Variants in NPAS1 observed in about 807,000 individuals in gnomAD.
The protein encoded by NPAS1 is neuronal PAS domain protein 1.
Under a neutral mutation model 49.2 loss-of-function variants are expected in NPAS1, and 29 were observed. The ratio of observed to expected loss-of-function variants is 0.59; its 90% CI spans 0.44 to 0.80. NPAS1 has a LOEUF of 0.80. Ranked by LOEUF, NPAS1 falls within the 30% of genes least tolerant of loss-of-function variation. The pLI is 0.00. For missense variants in NPAS1, 825 were observed against 835.5 expected, an observed-to-expected ratio of 0.99 and a Z score of 0.15; for synonymous variants, 408 against 380.4, an observed-to-expected ratio of 1.07 and a Z score of -0.84.
intron 7 of NPAS1, 74 bp downstream of exon 7, chr19:47,039,225 G>A (rs2056992411): frequency 6.7e-7 from 1 of 1,493,830 alleles, no homozygotes; most frequent in South Asian, 1.3e-5. Context: ...AGGGAACCAG[G>A]CTGGTGGCTT....
At chr19:47,045,029 C>CAA (rs774928609) in intron 11 of NPAS1, among the ~76,000 whole-genome samples, 162 bp from the exon 12 acceptor site, 1 of 146,920 alleles carries the variant, frequency 6.8e-6, no homozygotes, top group East Asian at 2.0e-4. Context: ...GACTCCGTCT[C>CAA]ACAAAAAAAC....
chr19:47,029,780 G>C (rs1247015324), intron 3 of NPAS1, among the ~76,000 whole-genome samples: 1 of 152,188 alleles, frequency 6.6e-6, no homozygotes, highest in Non-Finnish European at 1.5e-5. Flanking sequence ...ATGCTGCTAT[G>C]AACACGCATG....
Position 47,039,418 on chromosome 19 carries a change from G to A in NPAS1, c.816G>A (p.Val272=). 1 of 1,611,792 alleles carries A rather than the reference G, an allele frequency of 6.2e-7. No individual in the cohort carries two copies. The highest frequency in any genetic ancestry group is 8.5e-7 in the Non-Finnish European group (1 of 1,179,882). The change falls in exon 8 of 12, where the codon GTG becomes GTA. Residue 272 remains valine, a synonymous_variant. Coordinates refer to ENST00000602212, the MANE Select transcript of NPAS1 (RefSeq NM_002517.4). ...CCCACCACCAGCAGGTCATCCACGT[G>A]ACTGGGCGCCTTCGGGCCCACGCCC... ...VKASGYKVIH[V]TGRLRAHALG...
chr19:47,031,821 G>A (rs747721790), intron 3 of NPAS1, among the ~76,000 whole-genome samples: 5 of 151,936 alleles, frequency 3.3e-5, no homozygotes, highest in Non-Finnish European at 1.5e-5. Flanking sequence ...GAGCCACCTC[G>A]CCCAGCCTGT....
In NPAS1 at chr19:47,021,278, C is replaced by A; in HGVS notation, c.122+109C>A. 1.0e-6 allele frequency: 1 copy of A among 990,114 alleles called. No individual in the cohort carries two copies. The highest frequency in any genetic ancestry group is 1.4e-6 in the Non-Finnish European group (1 of 695,128). 61.3% of individuals were successfully genotyped at this position (990,114 alleles called of 1,614,324 possible). A position where few individuals can be genotyped will look rare whatever the true frequency, so the allele number is the denominator to read the frequency against. On this transcript the variant is annotated intron_variant, in intron 2 of 11. Coordinates refer to ENST00000602212, the MANE Select transcript of NPAS1 (RefSeq NM_002517.4). The surrounding 1 kb of genome is among the most constrained non-coding windows in gnomAD (Gnocchi z 5.7). ...AGTTCACACCCAGCTCCCTGACCCG[C>A]CCCTTAGGGCTAGAAGGTCTTACCT...
At position 47,025,082 on chromosome 19, in the gene NPAS1, C is replaced by T. The variant is rs1401956582; in HGVS notation, c.358+3235C>T. Among the ~76,000 whole-genome samples, 3 of 130,760 alleles carry T rather than the reference C, an allele frequency of 2.3e-5. 1 individual carries two copies. Among genetic ancestry groups the T allele is most frequent in the Non-Finnish European group, 5.2e-5 (3 of 57,788 alleles). 85.8% of individuals were successfully genotyped at this position (130,760 alleles called of 152,430 possible). ...AAGTGCTGGGATTGCAGGCGTGAGG[C>T]GCCGTGCCCGGCTTTTACAGCCTTC... On this transcript the variant is annotated intron_variant, in intron 3 of 11. Transcript: ENST00000602212.
intron 3 of NPAS1, among the ~76,000 whole-genome samples, chr19:47,023,476 C>T (rs1250887249): frequency 2.6e-5 from 4 of 152,094 alleles, no homozygotes; most frequent in Non-Finnish European, 5.9e-5. Flanking sequence ...GCGTGGACTC[C>T]TATAGTCCCA....
intron 8 of NPAS1, among the ~76,000 whole-genome samples, chr19:47,040,116 G>A (rs555299780): frequency 5.3e-5 from 8 of 152,152 alleles, no homozygotes; most frequent in Non-Finnish European, 8.8e-5. Context: ...TCCACCTCCC[G>A]GGTTCAAGTG....
At chr19:47,030,900 A>G (rs888800567) in intron 3 of NPAS1, among the ~76,000 whole-genome samples, 3 of 151,992 alleles carry the variant, frequency 2.0e-5, no homozygotes, top group Non-Finnish European at 4.4e-5. Flanking sequence ...TTGGCCTCCC[A>G]GAGTGTTGGG....
chr19:47,021,274 C>A lies in NPAS1; in HGVS notation c.122+105C>A. The A allele has an allele frequency of 1.9e-6, 2 of 1,059,672 alleles. No individual in the cohort carries two copies. Among genetic ancestry groups the A allele is most frequent in the African/African-American group, 1.7e-5 (1 of 59,890 alleles). 65.6% of individuals were successfully genotyped at this position (1,059,672 alleles called of 1,614,324 possible). The stretch of plus-strand genomic sequence containing the variant: ...GGGCAGTTCACACCCAGCTCCCTGA[C>A]CCGCCCCTTAGGGCTAGAAGGTCTT... On this transcript the variant is annotated intron_variant, in intron 2 of 11. Transcript: ENST00000602212. The surrounding 1 kb of genome is among the most constrained non-coding windows in gnomAD (Gnocchi z 5.7).
At chr19:47,037,026 A>G (rs2122515042) in intron 6 of NPAS1, among the ~76,000 whole-genome samples, 1 of 147,150 alleles carries the variant, frequency 6.8e-6, no homozygotes, top group South Asian at 2.2e-4. Context: ...GCTGCACTCC[A>G]GCCCGGGTGA....
rs1402223256 is a variant in NPAS1, at chr19:47,021,212, G to A, written c.122+43G>A. The A allele has an allele frequency of 2.7e-6, 4 of 1,471,858 alleles. No individual in the cohort carries two copies. Among genetic ancestry groups the A allele is most frequent in the Non-Finnish European group, 3.6e-6 (4 of 1,104,406 alleles). 91.2% of individuals were successfully genotyped at this position (1,471,858 alleles called of 1,614,324 possible). A position where few individuals can be genotyped will look rare whatever the true frequency, so the allele number is the denominator to read the frequency against. ...CCCCTGGCCGCGGGCCCCCCCCCGG[G>A]TCCAATTCACACCCGATGTTCTGTC... On this transcript the variant is annotated intron_variant, in intron 2 of 11. Transcript: ENST00000602212. This position sits in a 1 kb window ranked among gnomAD's most constrained non-coding sequence, Gnocchi z 5.7.
chr19:47,028,261 G>C (rs2056886300), intron 3 of NPAS1, among the ~76,000 whole-genome samples: 1 of 152,130 alleles, frequency 6.6e-6, no homozygotes, highest in Admixed American at 6.5e-5. Context: ...CTGGTTCCGA[G>C]CTGTATCTTG....
At chr19:47,037,305 C>T (rs1301813687) in intron 6 of NPAS1, among the ~76,000 whole-genome samples, 1 of 121,084 alleles carries the variant, frequency 8.3e-6, no homozygotes, top group African/African-American at 3.3e-5. Context: ...GAGCCGAGAT[C>T]AGGCCATTGC....
rs149826895 is a variant in NPAS1 at position 47,042,890 on chromosome 19, G to A, written c.1298G>A (p.Gly433Glu). The change falls in exon 11 of 12, where the codon GGG becomes GAG. Residue 433 changes from glycine (G) to glutamate (E), a missense_variant. Transcript: ENST00000602212. ...SVACEEASSP[G>E]PEPTEPEPPT... ...GCCTGTGAGGAGGCATCCAGCCCGGGGCCAGAGCCCACAGGTGAGCCCCAC... is the reference window on the plus strand; with the variant it reads ...GCCTGTGAGGAGGCATCCAGCCCGGAGCCAGAGCCCACAGGTGAGCCCCAC... The A allele has an allele frequency of 1.4e-4, 224 of 1,601,032 alleles. No individual in the cohort carries two copies. The highest frequency in any genetic ancestry group is 1.9e-4 in the Non-Finnish European group (218 of 1,174,216).
In NPAS1 at chr19:47,038,890, C is replaced by T. The variant is rs1303349923; in HGVS notation, c.689-146C>T. The T allele has an allele frequency of 6.0e-6, 4 of 662,494 alleles. No homozygotes were observed. In the African/African-American group the frequency reaches 7.2e-5, roughly 12 times the overall value. The allele number at this position is 662,494 out of a possible 1,614,324, so 41.0% of individuals were successfully genotyped here. A position where few individuals can be genotyped will look rare whatever the true frequency, so the allele number is the denominator to read the frequency against. ...GGAGCCCACATACTGTCCCCATGAG[C>T]TTTCAAAATCATCAGGCATGCCTCT... On this transcript the variant is annotated intron_variant, in intron 6 of 11. Transcript: ENST00000602212.
chr19:47,020,210 T>A (rs1599888622), intron 1 of NPAS1, among the ~76,000 whole-genome samples: 1 of 135,640 alleles, frequency 7.4e-6, no homozygotes, highest in African/African-American at 2.8e-5. Context: ...CTGGGAGGTT[T>A]GGGGGCGGCC....
At position 47,039,390 on chromosome 19, in the gene NPAS1, A is replaced by G. The variant is rs552888352; in HGVS notation, c.805-17A>G. On this transcript the variant is annotated splice_polypyrimidine_tract_variant and intron_variant, in intron 7 of 11. Transcript: ENST00000602212. The stretch of plus-strand genomic sequence containing the variant: ...GGCCCGCCTTGTCCCTCCTCCAACC[A>G]TGCCCACCACCAGCAGGTCATCCAC... The G allele has an allele frequency of 6.5e-5, 104 of 1,611,324 alleles. No individual in the cohort carries two copies. The South Asian group carries it at 9.7e-4, about 15-fold the overall frequency.
chr19:47,041,192 G>A, intron 10 of NPAS1, 67 bp downstream of exon 10: 1 of 1,406,424 alleles, frequency 7.1e-7, no homozygotes, highest in Non-Finnish European at 9.3e-7. Flanking sequence ...ACCTCCAGTG[G>A]GGGTGCTTTG....
Sources: allele counts gnomAD v4.1 joint callset (sites outside exome capture counted in the v4.1 genomes callset), GRCh38; gene constraint gnomAD v4.1.1; non-coding constraint Gnocchi (gnomAD v3.1); transcripts MANE v1.5; gene names NCBI Gene and HGNC (gene_info 2026-07-23, HGNC 2026-07-21).